EXOC4: variants seen among roughly 807,000 people sequenced by gnomAD.
The protein encoded by EXOC4 is exocyst complex component 4.
Under a neutral mutation model 107.2 loss-of-function variants are expected in EXOC4, and 71 were observed. That is an observed-to-expected ratio of 0.66 (90% confidence interval 0.55 to 0.81). EXOC4 has a LOEUF of 0.81. Among genes scored for constraint, EXOC4 ranks in the 30% least tolerant of loss-of-function variants. EXOC4 has a pLI of 0.00. For missense variants in EXOC4, 1,108 were observed against 1,189.6 expected, an observed-to-expected ratio of 0.93 and a Z score of 1.01; for synonymous variants, 456 against 441.2, an observed-to-expected ratio of 1.03 and a Z score of -0.42.
In EXOC4 at chr7:133,356,381, A is replaced by G. The variant is rs1796020189; in HGVS notation, c.815A>G (p.Glu272Gly). Residue 272 changes from glutamate (E) to glycine (G), a missense_variant, in exon 6 of 18, where the codon GAG becomes GGG. Transcript: ENST00000253861. Reference sequence around the variant, plus strand: ...AAGGAAGATTTAGAATTGGATCCAGAGGAAAACAGCACCCTGTTTATGGGT... The same window carrying G: ...AAGGAAGATTTAGAATTGGATCCAGGGGAAAACAGCACCCTGTTTATGGGT... ...DIKEDLELDP[E>G]ENSTLFMGIL... 2 of 1,614,028 alleles carry G rather than the reference A, an allele frequency of 1.2e-6. No individual in the cohort carries two copies. Among genetic ancestry groups the G allele is most frequent in the Admixed American group, 1.7e-5 (1 of 60,002 alleles).
intron 17 of EXOC4, among the ~76,000 whole-genome samples, chr7:134,014,171 A>C (rs910943551): frequency 6.6e-6 from 1 of 152,248 alleles, no homozygotes. Context: ...TGGGAGGCCA[A>C]GGCAGGCAGA....
intron 13 of EXOC4, among the ~76,000 whole-genome samples, chr7:133,926,239 A>G (rs1800050001): frequency 6.6e-6 from 1 of 152,182 alleles, no homozygotes; most frequent in Non-Finnish European, 1.5e-5. Context: ...ACAGCCACTA[A>G]GTGACAGGGC....
At chr7:133,807,190 A>G (rs1213331779) in intron 10 of EXOC4, among the ~76,000 whole-genome samples, 1 of 152,220 alleles carries the variant, frequency 6.6e-6, no homozygotes, top group African/African-American at 2.4e-5. Flanking sequence ...AAAGATGACT[A>G]CAATAAGAAC....
At chr7:133,293,296 C>T (rs1794447258) in intron 3 of EXOC4, among the ~76,000 whole-genome samples, 2 of 152,178 alleles carry the variant, frequency 1.3e-5, no homozygotes, top group Admixed American at 1.3e-4. Flanking sequence ...TCTATAATTG[C>T]TCTTTCATTG....
chr7:133,939,013 G>T (rs1458692188), intron 14 of EXOC4, among the ~76,000 whole-genome samples: 1 of 152,152 alleles, frequency 6.6e-6, no homozygotes, highest in African/African-American at 2.4e-5. Flanking sequence ...GCCTCCCAAA[G>T]TGCTGGGATT....
chr7:133,635,313 T>C (rs908464325), intron 10 of EXOC4, among the ~76,000 whole-genome samples: 1 of 152,206 alleles, frequency 6.6e-6, no homozygotes, highest in Admixed American at 6.5e-5. Flanking sequence ...ACTTTGTAGC[T>C]GTTATTTGTG....
chr7:133,478,056 A>G (rs1799060676), intron 8 of EXOC4, among the ~76,000 whole-genome samples: 1 of 152,138 alleles, frequency 6.6e-6, no homozygotes, highest in African/African-American at 2.4e-5. Flanking sequence ...CAAAGATAGT[A>G]GAAGGAAAAG....
At position 133,584,574 on chromosome 7, in the gene EXOC4, G is replaced by GTTTTTTTTTTTTTTTT. The variant is rs67568218; in HGVS notation, c.1418-45461_1418-45460insTTTTTTTTTTTTTTTT. On this transcript the variant is annotated intron_variant, in intron 9 of 17. Coordinates refer to ENST00000253861, the MANE Select transcript of EXOC4 (RefSeq NM_021807.4). ...AGGCCTTTGTTTTTTACGTATTTCA[G>GTTTTTTTTTTTTTTTT]TTTTTTTTTTGTTTTTTTTTTTGAG... Among the ~76,000 whole-genome samples the GTTTTTTTTTTTTTTTT allele has an allele frequency of 8.3e-5, 7 of 84,814 alleles. 3 individuals carry two copies. Among genetic ancestry groups the GTTTTTTTTTTTTTTTT allele is most frequent in the Admixed American group, 5.3e-4 (3 of 5,638 alleles). 55.6% of individuals were successfully genotyped at this position (84,814 alleles called of 152,430 possible). A position where few individuals can be genotyped will look rare whatever the true frequency, so the allele number is the denominator to read the frequency against.
chr7:133,609,227 A>C (rs1199062161), intron 9 of EXOC4, among the ~76,000 whole-genome samples: 2 of 152,182 alleles, frequency 1.3e-5, no homozygotes, highest in African/African-American at 4.8e-5. Flanking sequence ...AAAAGGAATA[A>C]TTTTTGTTGT....
chr7:133,464,309 G>A lies in EXOC4; in HGVS notation c.1183-11019G>A, dbSNP rs184627911. ...TTTGTTTCACAGATGAGGGAAGTGAGGCTTAGAAAGATTAAGTAACTTGAC... is the reference window on the plus strand; with the variant it reads ...TTTGTTTCACAGATGAGGGAAGTGAAGCTTAGAAAGATTAAGTAACTTGAC... On this transcript the variant is annotated intron_variant, in intron 7 of 17. Transcript: ENST00000253861. Among the ~76,000 whole-genome samples, 35 of 152,226 alleles carry A rather than the reference G, an allele frequency of 2.3e-4. No homozygotes were observed. In the East Asian group the frequency reaches 6.0e-3, roughly 26 times the overall value.
At chr7:133,755,816 G>A (rs1368281030) in intron 10 of EXOC4, among the ~76,000 whole-genome samples, 1 of 152,064 alleles carries the variant, frequency 6.6e-6, no homozygotes, top group Non-Finnish European at 1.5e-5. Flanking sequence ...AGATATTCCT[G>A]TTTTTAATTT....
intron 11 of EXOC4, among the ~76,000 whole-genome samples, chr7:133,880,575 AT>A (rs773074578): frequency 3.2e-4 from 48 of 152,306 alleles, no homozygotes; most frequent in Non-Finnish European, 5.7e-4. Context: ...TTACTACCTT[AT>A]TATGTAATAT....
intron 9 of EXOC4, among the ~76,000 whole-genome samples, chr7:133,508,889 G>A (rs1301593966): frequency 6.6e-6 from 1 of 152,160 alleles, no homozygotes; most frequent in Non-Finnish European, 1.5e-5. Context: ...ATGCTATAGA[G>A]AGATATTATC....
chr7:133,410,952 A>G (rs553801376), intron 7 of EXOC4, among the ~76,000 whole-genome samples: 7 of 152,270 alleles, frequency 4.6e-5, no homozygotes, highest in Non-Finnish European at 1.0e-4. Context: ...ATTGTTTGTA[A>G]TCTACATTAG....
intron 17 of EXOC4, among the ~76,000 whole-genome samples, chr7:134,027,794 G>T (rs755716796): frequency 6.6e-6 from 1 of 152,108 alleles, no homozygotes; most frequent in Non-Finnish European, 1.5e-5. Context: ...TCACTAGATC[G>T]TACTGTCAGA....
In EXOC4 at chr7:134,064,539, T is replaced by C; in HGVS notation, c.*11T>C. ...ATAACTACCGTTTAGCAGGGCGTACTGCGGTTGGTGACGGGGGTCCCCTCA... is the reference window on the plus strand; with the variant it reads ...ATAACTACCGTTTAGCAGGGCGTACCGCGGTTGGTGACGGGGGTCCCCTCA... On this transcript the variant is annotated 3_prime_UTR_variant, in exon 18 of 18. Transcript: ENST00000253861. 6.5e-7 allele frequency: 1 copy of C among 1,544,232 alleles called. No individual in the cohort carries two copies. Among genetic ancestry groups the C allele is most frequent in the African/African-American group, 1.4e-5 (1 of 72,812 alleles).
chr7:133,295,276 T>G (rs1794492706), intron 3 of EXOC4, among the ~76,000 whole-genome samples: 1 of 152,032 alleles, frequency 6.6e-6, no homozygotes, highest in African/African-American at 2.4e-5. Flanking sequence ...GGAACTCTTG[T>G]GGGTGGATAG....
At chr7:133,648,168 G>T (rs186021985) in intron 10 of EXOC4, among the ~76,000 whole-genome samples, 1 of 152,260 alleles carries the variant, frequency 6.6e-6, no homozygotes, top group Admixed American at 6.5e-5. Flanking sequence ...TTATTTAAAA[G>T]AAAATTGATC....
At chr7:133,521,345 A>C (rs918184859) in intron 9 of EXOC4, among the ~76,000 whole-genome samples, 1 of 152,144 alleles carries the variant, frequency 6.6e-6, no homozygotes, top group Non-Finnish European at 1.5e-5. Context: ...TTCTTCCATG[A>C]TTTTCTCACT....
Sources: allele counts gnomAD v4.1 joint callset (sites outside exome capture counted in the v4.1 genomes callset), GRCh38; gene constraint gnomAD v4.1.1; transcripts MANE v1.5; gene names NCBI Gene and HGNC (gene_info 2026-07-23, HGNC 2026-07-21).